Variants in AGBL4 observed in about 807,000 individuals in gnomAD.
AGBL4 encodes the protein AGBL carboxypeptidase 4, also known as cytosolic carboxypeptidase 6.
In AGBL4, 58 loss-of-function variants were observed where a neutral mutation model predicts 66.4. The ratio of observed to expected loss-of-function variants is 0.87; its 90% CI spans 0.71 to 1.09. The LOEUF (loss-of-function observed/expected upper bound fraction) is 1.09, where lower values mean the gene tolerates loss of function less well. AGBL4 is among the 50% of genes least tolerant of loss of function. The probability of loss-of-function intolerance (pLI) is 0.00; values close to 1 mark genes in which losing one functional copy is unlikely to be tolerated. For synonymous variants in AGBL4, 234 were observed against 222.9 expected (o/e 1.05, Z -0.44); for missense variants, 579 against 631.0 (o/e 0.92, Z 0.88).
intron 3 of AGBL4, among the ~76,000 whole-genome samples, chr1:49,336,627 AG>A (rs1645442479): frequency 6.6e-6 from 1 of 152,222 alleles, no homozygotes; most frequent in African/African-American, 2.4e-5. Context: ...GTCTTTCTTA[AG>A]ATTTGACATT....
At chr1:49,618,514 T>A (rs1331701368) in intron 3 of AGBL4, among the ~76,000 whole-genome samples, 1 of 152,100 alleles carries the variant, frequency 6.6e-6, no homozygotes, top group Non-Finnish European at 1.5e-5. Flanking sequence ...CCAGACAGAT[T>A]CACAGGCAAA....
At chr1:48,903,066 C>A (rs1159026890) in intron 5 of AGBL4, among the ~76,000 whole-genome samples, 1 of 152,206 alleles carries the variant, frequency 6.6e-6, no homozygotes, top group East Asian at 1.9e-4. Flanking sequence ...AAACTTGCTT[C>A]TTATAATGTC....
chr1:49,783,327 A>G (rs1644379361), intron 2 of AGBL4, among the ~76,000 whole-genome samples: 1 of 152,234 alleles, frequency 6.6e-6, no homozygotes, highest in Non-Finnish European at 1.5e-5. Flanking sequence ...AAGGATTGAT[A>G]TCATTACCAA....
chr1:48,658,634 C>A (rs375729287), intron 7 of AGBL4, among the ~76,000 whole-genome samples: 1 of 152,160 alleles, frequency 6.6e-6, no homozygotes, highest in East Asian at 1.9e-4. Context: ...TGAAAGGCCC[C>A]GTCACAAACG....
intron 3 of AGBL4, among the ~76,000 whole-genome samples, chr1:49,659,661 T>G (rs529067182): frequency 6.6e-6 from 1 of 152,224 alleles, no homozygotes; most frequent in Non-Finnish European, 1.5e-5. Flanking sequence ...ACAAAGAGAC[T>G]TAGACTCACG....
intron 3 of AGBL4, among the ~76,000 whole-genome samples, chr1:49,323,779 A>AG (rs1427229641): frequency 6.6e-6 from 1 of 151,716 alleles, no homozygotes; most frequent in Admixed American, 6.6e-5. Context: ...AGAAAAAAAA[A>AG]AAAAGCCCCT....
rs1644877550 is a variant in AGBL4, at chr1:49,392,711, A to G, written c.283-146847T>C. On this transcript the variant is annotated intron_variant, in intron 3 of 13. Transcript: ENST00000371839. ...TTCAACTGTGTATACACACACACAC[A>G]CACACACACACACACACACACACAT... Among the ~76,000 whole-genome samples the G allele has an allele frequency of 2.0e-5, 3 of 151,884 alleles. No homozygotes were observed. The South Asian group carries it at 6.2e-4, about 32-fold the overall frequency.
intron 3 of AGBL4, among the ~76,000 whole-genome samples, chr1:49,300,487 A>G (rs762038035): frequency 2.6e-4 from 40 of 152,212 alleles, no homozygotes; most frequent in Non-Finnish European, 5.6e-4. Context: ...CAATTTAGTA[A>G]CAAAACCAAA....
chr1:49,010,935 A>C (rs2149005803), intron 5 of AGBL4, among the ~76,000 whole-genome samples: 1 of 152,368 alleles, frequency 6.6e-6, no homozygotes, highest in Non-Finnish European at 1.5e-5. Context: ...CTCTAGAAGA[A>C]AACCTAGGCA....
chr1:49,197,222 T>C (rs1376360989), intron 4 of AGBL4, among the ~76,000 whole-genome samples: 1 of 152,202 alleles, frequency 6.6e-6, no homozygotes, highest in East Asian at 1.9e-4. Context: ...TAAATAGCTT[T>C]ACTGTGGTGG....
intron 3 of AGBL4, among the ~76,000 whole-genome samples, chr1:49,391,055 A>T (rs1176310137): frequency 6.6e-6 from 1 of 152,160 alleles, no homozygotes; most frequent in African/African-American, 2.4e-5. Flanking sequence ...AGAGTGCTGA[A>T]GGAAGAAGGG....
intron 3 of AGBL4, among the ~76,000 whole-genome samples, chr1:49,547,562 G>A (rs1652593637): frequency 6.6e-6 from 1 of 152,002 alleles, no homozygotes; most frequent in Admixed American, 6.6e-5. Context: ...TATTTGATGG[G>A]GATAGCGTTG....
chr1:49,295,471 A>G (rs915136619), intron 3 of AGBL4, among the ~76,000 whole-genome samples: 2 of 152,222 alleles, frequency 1.3e-5, no homozygotes, highest in Non-Finnish European at 2.9e-5. Context: ...GGGATAATAT[A>G]AAACATTTCA....
chr1:49,612,615 A>G (rs1380567622), intron 3 of AGBL4, among the ~76,000 whole-genome samples: 1 of 152,190 alleles, frequency 6.6e-6, no homozygotes, highest in Non-Finnish European at 1.5e-5. Context: ...GTGGCCCACA[A>G]ACATGAAAAA....
intron 3 of AGBL4, among the ~76,000 whole-genome samples, chr1:49,413,403 C>T (rs1336894727): frequency 1.3e-5 from 2 of 152,192 alleles, no homozygotes; most frequent in African/African-American, 2.4e-5. Flanking sequence ...AATAATCATA[C>T]AAACAAAAGT....
intron 3 of AGBL4, chr1:49,527,216 G>T (rs541589952): frequency 2.0e-5 from 3 of 152,010 alleles, no homozygotes; most frequent in African/African-American, 4.8e-5. Flanking sequence ...TGAGAACATT[G>T]TACTCTTTCT....
At chr1:49,656,559 A>G (rs572528895) in intron 3 of AGBL4, among the ~76,000 whole-genome samples, 2 of 152,328 alleles carry the variant, frequency 1.3e-5, no homozygotes, top group Admixed American at 6.5e-5. Context: ...ACAAAAAAAG[A>G]GAATTTTAGA....
intron 3 of AGBL4, among the ~76,000 whole-genome samples, chr1:49,262,360 G>A (rs1410143478): frequency 6.6e-6 from 1 of 152,052 alleles, no homozygotes; most frequent in Admixed American, 6.6e-5. Flanking sequence ...CCTTCACAGT[G>A]AACAGGCAAC....
At chr1:49,358,408 GAA>G (rs529884061) in intron 3 of AGBL4, among the ~76,000 whole-genome samples, 1 of 143,366 alleles carries the variant, frequency 7.0e-6, no homozygotes, top group African/African-American at 2.5e-5. Context: ...ATAAGCACCA[GAA>G]AAAAAAAAAA....
Sources: allele counts gnomAD v4.1 joint callset (sites outside exome capture counted in the v4.1 genomes callset), GRCh38; gene constraint gnomAD v4.1.1; transcripts MANE v1.5; gene names NCBI Gene and HGNC (gene_info 2026-07-23, HGNC 2026-07-21).